Variants in KCNH7 observed in about 807,000 individuals in gnomAD.
KCNH7 encodes potassium voltage-gated channel subfamily H member 7.
A neutral mutation model predicts 120.8 loss-of-function variants in KCNH7; 49 were observed. That is an observed-to-expected ratio of 0.41 (90% CI 0.32 to 0.51). The LOEUF (loss-of-function observed/expected upper bound fraction) is 0.51. Ranked by LOEUF, KCNH7 falls within the 20% of genes least tolerant of loss-of-function variation. The pLI is 0.38. For synonymous variants in KCNH7, 547 were observed against 516.1 expected (o/e 1.06, Z -0.81); for missense variants, 1,097 against 1,446.6 (o/e 0.76, Z 3.92).
intron 12 of KCNH7, among the ~76,000 whole-genome samples, chr2:162,391,781 A>C (rs1391153843): frequency 2.0e-5 from 3 of 152,086 alleles, no homozygotes; most frequent in Non-Finnish European, 4.4e-5. Flanking sequence ...TATGTGGAAG[A>C]CATTATTATA....
chr2:162,717,159 C>T (rs1379260386), intron 2 of KCNH7, among the ~76,000 whole-genome samples: 1 of 152,014 alleles, frequency 6.6e-6, no homozygotes, highest in African/African-American at 2.4e-5. Context: ...TGTGAACAGA[C>T]AATGTTCTTT....
chr2:162,746,104 A>G (rs1425058403), intron 2 of KCNH7, among the ~76,000 whole-genome samples: 1 of 152,134 alleles, frequency 6.6e-6, no homozygotes, highest in Non-Finnish European at 1.5e-5. Context: ...ATCTTTAAAA[A>G]TAAGTATAAA....
chr2:162,798,611 A>G (rs1020655131), intron 2 of KCNH7, among the ~76,000 whole-genome samples: 1 of 152,152 alleles, frequency 6.6e-6, no homozygotes, highest in East Asian at 1.9e-4. Flanking sequence ...ATAGTCAGCA[A>G]TATTTATTGA....
intron 15 of KCNH7, 145 bp downstream of exon 15, chr2:162,373,325 C>T: frequency 2.1e-6 from 1 of 468,706 alleles, no homozygotes; most frequent in Non-Finnish European, 3.7e-6. Flanking sequence ...GATTACAGGG[C>T]CCATTTCCAG....
At chr2:162,698,775 G>A (rs1390391465) in intron 2 of KCNH7, among the ~76,000 whole-genome samples, 1 of 151,938 alleles carries the variant, frequency 6.6e-6, no homozygotes, top group African/African-American at 2.4e-5. Flanking sequence ...GGAGATAAAT[G>A]AGAAAATGCA....
At chr2:162,695,510 G>T (rs1213725362) in intron 2 of KCNH7, among the ~76,000 whole-genome samples, 1 of 152,146 alleles carries the variant, frequency 6.6e-6, no homozygotes, top group Non-Finnish European at 1.5e-5. Context: ...GCCAGCCATA[G>T]GCCCATGGAT....
chr2:162,617,058 G>T (rs1019798102), intron 2 of KCNH7, among the ~76,000 whole-genome samples: 17 of 152,082 alleles, frequency 1.1e-4, no homozygotes, highest in Admixed American at 9.2e-4. Context: ...TAAAATTTAA[G>T]GTTGGGGAGG....
Position 162,379,844 on chromosome 2 carries a change from T to A in KCNH7, c.3131+9A>T, listed in dbSNP as rs1686346507. ...GTTATGTTCTCCTTTTGCCCATCAC[T>A]GCTTATACCTGTTAAGTTGCTCCTG... On this transcript the variant is annotated intron_variant, in intron 14 of 15. Coordinates refer to ENST00000332142, the MANE Select transcript of KCNH7 (RefSeq NM_033272.4). 5.0e-6 allele frequency: 8 copies of A among 1,613,214 alleles called. No individual in the cohort carries two copies. The Middle Eastern group carries it at 4.9e-4, about 100-fold the overall frequency.
intron 8 of KCNH7, among the ~76,000 whole-genome samples, chr2:162,433,269 GA>G (rs1231191001): frequency 6.6e-6 from 1 of 152,004 alleles, no homozygotes; most frequent in Non-Finnish European, 1.5e-5. Context: ...CACAGAATTA[GA>G]AAAAACGATT....
chr2:162,763,919 T>C (rs986326380), intron 2 of KCNH7, among the ~76,000 whole-genome samples: 1 of 151,980 alleles, frequency 6.6e-6, no homozygotes, highest in African/African-American at 2.4e-5. Flanking sequence ...CCATAACAAA[T>C]TGATGTGAGG....
intron 2 of KCNH7, among the ~76,000 whole-genome samples, chr2:162,718,012 G>T (rs749426369): frequency 1.3e-4 from 19 of 150,616 alleles, no homozygotes; most frequent in Non-Finnish European, 2.2e-4. Flanking sequence ...TTGGTTCATT[G>T]TCTCTCTCCC....
chr2:162,447,573 A>T (rs967194813), intron 6 of KCNH7, among the ~76,000 whole-genome samples: 1 of 152,146 alleles, frequency 6.6e-6, no homozygotes, highest in South Asian at 2.1e-4. Flanking sequence ...AATTTCACTG[A>T]GTACATTTCC....
In KCNH7 at chr2:162,714,209, A is replaced by G. The variant is rs193242726; in HGVS notation, c.307+122328T>C. 1.3e-4 allele frequency among the ~76,000 whole-genome samples: 20 copies of G among 152,280 alleles called. 1 individual carries two copies. Among genetic ancestry groups the G allele is most frequent in the Admixed American group, 7.8e-4 (12 of 15,292 alleles). ...ACTCCAGCCTGGGGGTTATATTAAT[A>G]GTTTTTGTTGCCTCTGACAGGAAGG... On this transcript the variant is annotated intron_variant, in intron 2 of 15. Transcript: ENST00000332142.
At chr2:162,440,244 A>G (rs1688378758) in intron 7 of KCNH7, among the ~76,000 whole-genome samples, 1 of 152,020 alleles carries the variant, frequency 6.6e-6, no homozygotes, top group African/African-American at 2.4e-5. Context: ...TCTTCTATAA[A>G]TAAAAATATG....
At chr2:162,380,765 G>A (rs1686389100) in intron 13 of KCNH7, among the ~76,000 whole-genome samples, 1 of 152,020 alleles carries the variant, frequency 6.6e-6, no homozygotes, top group Non-Finnish European at 1.5e-5. Context: ...AATGTTCTCA[G>A]TGTCTATTAT....
intron 2 of KCNH7, among the ~76,000 whole-genome samples, chr2:162,768,464 C>A (rs192409851): frequency 1.3e-5 from 2 of 152,150 alleles, no homozygotes; most frequent in East Asian, 3.9e-4. Flanking sequence ...CAATTCAACA[C>A]CAACTCTGGA....
chr2:162,615,586 C>A (rs886839244), intron 2 of KCNH7, among the ~76,000 whole-genome samples: 2 of 152,104 alleles, frequency 1.3e-5, no homozygotes, highest in Non-Finnish European at 2.9e-5. Context: ...TCTTAAGAAT[C>A]ATATTACACA....
chr2:162,549,956 G>T (rs1290477570), intron 2 of KCNH7, among the ~76,000 whole-genome samples: 2 of 152,102 alleles, frequency 1.3e-5, no homozygotes, highest in East Asian at 3.9e-4. Flanking sequence ...TATTTTAGAC[G>T]CTGCTGCTTC....
chr2:162,556,147 T>C (rs563692031), intron 2 of KCNH7, among the ~76,000 whole-genome samples: 4 of 152,104 alleles, frequency 2.6e-5, no homozygotes, highest in South Asian at 2.1e-4. Context: ...CACACACACA[T>C]ATATATATAA....
Sources: gnomAD v4.1 joint callset for allele counts (sites outside exome capture counted in the v4.1 genomes callset) on GRCh38, gnomAD v4.1.1 for gene constraint, MANE v1.5 for transcripts, NCBI Gene and HGNC (gene_info 2026-07-23, HGNC 2026-07-21) for gene names.